GPC6: variants seen among roughly 807,000 people sequenced by gnomAD.
The protein encoded by GPC6 is glypican-6.
In GPC6, 14 loss-of-function variants were observed where a neutral mutation model predicts 55.2. The observed-to-expected ratio is 0.25, with a 90% CI of 0.17 to 0.40. The LOEUF (loss-of-function observed/expected upper bound fraction) is 0.40. Ranked by LOEUF, GPC6 falls within the 10% of genes least tolerant of loss-of-function variation. The pLI, the probability that GPC6 is intolerant of heterozygous loss-of-function variation, is 1.00. For missense variants in GPC6, 641 were observed against 708.5 expected, an observed-to-expected ratio of 0.90 and a Z score of 1.08; for synonymous variants, 278 against 259.6, an observed-to-expected ratio of 1.07 and a Z score of -0.68.
chr13:93,816,087 T>C (rs1287928406), intron 2 of GPC6, among the ~76,000 whole-genome samples: 1 of 152,158 alleles, frequency 6.6e-6, no homozygotes, highest in Non-Finnish European at 1.5e-5. Flanking sequence ...GTAGAGAAAA[T>C]GAGCAATGAC....
At chr13:93,549,764 C>G (rs1412722338) in intron 2 of GPC6, among the ~76,000 whole-genome samples, 37 of 151,772 alleles carry the variant, frequency 2.4e-4, no homozygotes, top group Non-Finnish European at 1.0e-4. Flanking sequence ...TTGTTTTTAA[C>G]TCCTACAAAA....
intron 3 of GPC6, among the ~76,000 whole-genome samples, chr13:94,017,518 G>A (rs1488561028): frequency 6.6e-6 from 1 of 152,052 alleles, no homozygotes; most frequent in Non-Finnish European, 1.5e-5. Context: ...AGAACAGTAT[G>A]GGGAAAACCA....
chr13:94,403,539 G>GT lies in GPC6; in HGVS notation c.*322_*323insT. The GT allele has an allele frequency of 1.4e-5, 4 of 293,738 alleles. No homozygotes were observed. The highest frequency in any genetic ancestry group is 4.4e-5 in the South Asian group (1 of 22,636). 18.2% of individuals were successfully genotyped at this position (293,738 alleles called of 1,614,324 possible). A position where few individuals can be genotyped will look rare whatever the true frequency, so the allele number is the denominator to read the frequency against. On this transcript the variant is annotated 3_prime_UTR_variant, in exon 9 of 9. Coordinates refer to ENST00000377047, the MANE Select transcript of GPC6 (RefSeq NM_005708.5). ...GAAGTAAAGGAATCTCACGTTGTGAGGGTTTTTTTTTTCTCATTTAAAATA... is the reference window on the plus strand; with the variant it reads ...GAAGTAAAGGAATCTCACGTTGTGAGTGGTTTTTTTTTTCTCATTTAAAATA...
chr13:93,326,449 C>T (rs1409971779), intron 1 of GPC6, among the ~76,000 whole-genome samples: 3 of 152,114 alleles, frequency 2.0e-5, no homozygotes, highest in Non-Finnish European at 2.9e-5. Context: ...GCTACACACA[C>T]GCACACGCAC....
chr13:94,070,543 C>T (rs1349564224), intron 4 of GPC6, among the ~76,000 whole-genome samples: 2 of 152,036 alleles, frequency 1.3e-5, no homozygotes, highest in South Asian at 2.1e-4. Flanking sequence ...AACTATGCTA[C>T]GTGAGGTACC....
intron 2 of GPC6, among the ~76,000 whole-genome samples, chr13:93,617,031 G>A (rs1594314722): frequency 6.6e-6 from 1 of 151,918 alleles, no homozygotes; most frequent in South Asian, 2.1e-4. Flanking sequence ...ATAATCTTAG[G>A]TTCAGAACTG....
chr13:93,857,208 T>C (rs1035688139), intron 3 of GPC6, among the ~76,000 whole-genome samples: 1 of 151,594 alleles, frequency 6.6e-6, no homozygotes, highest in Non-Finnish European at 1.5e-5. Context: ...TCAGGGAGTT[T>C]ACTCCTAAGC....
chr13:93,219,121 T>A, the GPC6 span, among the ~76,000 whole-genome samples: 45 of 149,530 alleles, frequency 3.0e-4, no homozygotes, highest in African/African-American at 1.0e-3. Flanking sequence ...TTAGACAGAG[T>A]CTCACTCTGT....
At chr13:94,186,333 A>T (rs1889186543) in intron 4 of GPC6, among the ~76,000 whole-genome samples, 1 of 152,188 alleles carries the variant, frequency 6.6e-6, no homozygotes, top group Non-Finnish European at 1.5e-5. Context: ...TTGAAAAACT[A>T]AAAGAACTTA....
At chr13:93,966,210 A>C (rs1245831040) in intron 3 of GPC6, among the ~76,000 whole-genome samples, 1 of 152,134 alleles carries the variant, frequency 6.6e-6, no homozygotes, top group Non-Finnish European at 1.5e-5. Flanking sequence ...GCAGGCAGGC[A>C]AACCTGCTTA....
chr13:94,164,669 T>C (rs1259520851), intron 4 of GPC6, among the ~76,000 whole-genome samples: 3 of 152,214 alleles, frequency 2.0e-5, no homozygotes. Flanking sequence ...ATAATTGGGA[T>C]GATTTCTACA....
chr13:93,830,806 C>A (rs367685498), intron 3 of GPC6: 1 of 420,020 alleles, frequency 2.4e-6, no homozygotes, highest in East Asian at 4.8e-5. Context: ...AGCAGAGAAG[C>A]TTTTAGTACC....
chr13:93,607,407 T>A (rs1204883289), intron 2 of GPC6, among the ~76,000 whole-genome samples: 1 of 152,210 alleles, frequency 6.6e-6, no homozygotes, highest in Non-Finnish European at 1.5e-5. Flanking sequence ...CAGTAAACAA[T>A]GCCAGGTCCT....
At chr13:93,474,302 C>T (rs2139332657) in intron 1 of GPC6, among the ~76,000 whole-genome samples, 1 of 152,238 alleles carries the variant, frequency 6.6e-6, no homozygotes, top group African/African-American at 2.4e-5. Context: ...TATGGATTCA[C>T]TTCTCAAGGT....
At chr13:93,458,053 G>T (rs571651149) in intron 1 of GPC6, among the ~76,000 whole-genome samples, 2 of 152,154 alleles carry the variant, frequency 1.3e-5, no homozygotes, top group Non-Finnish European at 2.9e-5. Context: ...GGGAGTATTT[G>T]TTGGATATAC....
chr13:93,288,439 A>G (rs1878207731), intron 1 of GPC6, among the ~76,000 whole-genome samples: 1 of 152,172 alleles, frequency 6.6e-6, no homozygotes, highest in South Asian at 2.1e-4. Context: ...CATCTCCTCA[A>G]AGTCTTTAAA....
chr13:93,246,706 G>A (rs969809585), intron 1 of GPC6, among the ~76,000 whole-genome samples: 1 of 148,784 alleles, frequency 6.7e-6, no homozygotes, highest in Non-Finnish European at 1.5e-5. Context: ...GTTGAGGCAG[G>A]AGGTGAACCC....
intron 2 of GPC6, among the ~76,000 whole-genome samples, chr13:93,575,040 T>A (rs1482069366): frequency 1.3e-5 from 2 of 152,144 alleles, no homozygotes; most frequent in Non-Finnish European, 1.5e-5. Context: ...ATGCCTGTAA[T>A]CCCAGCATTT....
intron 2 of GPC6, among the ~76,000 whole-genome samples, chr13:93,814,503 A>G (rs1886789056): frequency 6.6e-6 from 1 of 152,128 alleles, no homozygotes; most frequent in Admixed American, 6.5e-5. Flanking sequence ...TTATTGGCCA[A>G]TAGAGTTTTT....
Sources: gnomAD v4.1 joint callset for allele counts (sites outside exome capture counted in the v4.1 genomes callset) on GRCh38, gnomAD v4.1.1 for gene constraint, MANE v1.5 for transcripts, NCBI Gene and HGNC (gene_info 2026-07-23, HGNC 2026-07-21) for gene names.